The following RNGTT variants were observed in gnomAD, a reference collection of about 807,000 sequenced individuals.
The protein encoded by RNGTT is RNA guanylyltransferase and 5'-phosphatase, also known as mRNA-capping enzyme.
RNGTT carries 33 observed loss-of-function variants against 79.3 expected under a neutral mutation model. That is an observed-to-expected ratio of 0.42 (90% CI 0.32 to 0.56). The LOEUF (loss-of-function observed/expected upper bound fraction) is 0.56, where lower values mean the gene tolerates loss of function less well. RNGTT is among the 20% of genes least tolerant of loss of function. The pLI, the probability that RNGTT is intolerant of heterozygous loss-of-function variation, is 0.17. For synonymous variants in RNGTT, 222 were observed against 235.9 expected (o/e 0.94, Z 0.54); for missense variants, 497 against 739.1 (o/e 0.67, Z 3.80).
chr6:88,719,663 AAATTTT>A (rs1776638783), intron 13 of RNGTT, among the ~76,000 whole-genome samples: 2 of 152,198 alleles, frequency 1.3e-5, no homozygotes, highest in Admixed American at 6.5e-5. Flanking sequence ...AACTCAATTT[AAATTTT>A]ATCTATATTA....
intron 14 of RNGTT, among the ~76,000 whole-genome samples, chr6:88,656,055 T>C (rs372509081): frequency 2.0e-5 from 3 of 151,952 alleles, no homozygotes; most frequent in South Asian, 4.2e-4. Flanking sequence ...ATGTGAAAAA[T>C]AGAATATATA....
intron 13 of RNGTT, among the ~76,000 whole-genome samples, chr6:88,719,245 T>C (rs1776625150): frequency 6.6e-6 from 1 of 152,210 alleles, no homozygotes; most frequent in South Asian, 2.1e-4. Context: ...ATTTGACATT[T>C]GGCTTTCCCT....
intron 12 of RNGTT, among the ~76,000 whole-genome samples, chr6:88,788,396 C>T (rs2127853681): frequency 6.6e-6 from 1 of 151,942 alleles, no homozygotes; most frequent in East Asian, 1.9e-4. Flanking sequence ...TCACAGATGC[C>T]ATAAAAGAAA....
chr6:88,859,385 A>G (rs1781937991), intron 8 of RNGTT, among the ~76,000 whole-genome samples: 1 of 152,198 alleles, frequency 6.6e-6, no homozygotes, highest in Non-Finnish European at 1.5e-5. Flanking sequence ...AGTTGCAGGA[A>G]GCACTATGAC....
At chr6:88,686,841 C>A (rs1775296950) in intron 13 of RNGTT, among the ~76,000 whole-genome samples, 1 of 151,892 alleles carries the variant, frequency 6.6e-6, no homozygotes, top group Admixed American at 6.6e-5. Context: ...GAATAAACTC[C>A]AAATGGATTG....
chr6:88,731,451 T>C (rs1423338561), intron 13 of RNGTT, among the ~76,000 whole-genome samples: 1 of 152,118 alleles, frequency 6.6e-6, no homozygotes, highest in Non-Finnish European at 1.5e-5. Flanking sequence ...ACATAAATTA[T>C]GGAATGAGAT....
At chr6:88,850,010 G>C (rs1781619396) in intron 9 of RNGTT, among the ~76,000 whole-genome samples, 184 bp from the exon 10 acceptor site, 1 of 151,638 alleles carries the variant, frequency 6.6e-6, no homozygotes, top group African/African-American at 2.4e-5. Context: ...TCCCCATCAT[G>C]CATTTATTCT....
At chr6:88,632,720 G>A (rs2756376) in intron 14 of RNGTT, among the ~76,000 whole-genome samples, 38,576 of 151,846 alleles carry the variant, frequency 0.25, 8,334 homozygotes, top group African/African-American at 0.59. Context: ...AGTCAGGGGG[G>A]AAAAAAATCT....
At position 88,763,087 on chromosome 6, in the gene RNGTT, CTTTTTTTTTT is replaced by C. The variant is rs59200191; in HGVS notation, c.1439+6677_1439+6686del. 5.0e-4 allele frequency among the ~76,000 whole-genome samples: 48 copies of C among 95,508 alleles called. No individual in the cohort carries two copies. The Middle Eastern group carries it at 0.018, about 36-fold the overall frequency. The allele number at this position is 95,508 out of a possible 152,430, so 62.7% of individuals were successfully genotyped here. A position where few individuals can be genotyped will look rare whatever the true frequency, so the allele number is the denominator to read the frequency against. On this transcript the variant is annotated intron_variant, in intron 13 of 15. Coordinates refer to ENST00000369485, the MANE Select transcript of RNGTT (RefSeq NM_003800.5). ...TACAGGCATGTGCCATCATGGCCAG[CTTTTTTTTTT>C]TTTTTTTTTTTTTTTTGTATTTCTT...
chr6:88,898,710 T>C (rs1297208951), intron 6 of RNGTT, among the ~76,000 whole-genome samples: 2 of 150,924 alleles, frequency 1.3e-5, no homozygotes, highest in Admixed American at 6.6e-5. Context: ...CTCCCCAGTA[T>C]ATATTCTTCT....
At chr6:88,619,537 C>A (rs1772364856) in intron 14 of RNGTT, among the ~76,000 whole-genome samples, 2 of 152,140 alleles carry the variant, frequency 1.3e-5, no homozygotes, top group South Asian at 4.2e-4. Flanking sequence ...AGTACTGCCA[C>A]AACTTATTTT....
At chr6:88,877,276 G>A (rs1782547430) in intron 8 of RNGTT, among the ~76,000 whole-genome samples, 1 of 152,156 alleles carries the variant, frequency 6.6e-6, no homozygotes, top group Non-Finnish European at 1.5e-5. Context: ...AGCATTTTAT[G>A]TGGGTCTCCA....
intron 13 of RNGTT, among the ~76,000 whole-genome samples, chr6:88,728,387 T>C (rs1277171546): frequency 1.3e-5 from 2 of 152,214 alleles, no homozygotes; most frequent in African/African-American, 2.4e-5. Context: ...GAGATTTTGA[T>C]AAAGACCCCA....
At chr6:88,762,588 T>A (rs1778305793) in intron 13 of RNGTT, among the ~76,000 whole-genome samples, 1 of 152,216 alleles carries the variant, frequency 6.6e-6, no homozygotes, top group Non-Finnish European at 1.5e-5. Flanking sequence ...TTGCCTAGAA[T>A]GACCAATAGT....
chr6:88,798,557 A>G (rs1489814531), intron 12 of RNGTT, among the ~76,000 whole-genome samples: 4 of 152,202 alleles, frequency 2.6e-5, no homozygotes, highest in Non-Finnish European at 5.9e-5. Flanking sequence ...AGTATGCTTA[A>G]AAAATTATAT....
Position 88,610,514 on chromosome 6 carries a change from G to C in RNGTT, c.*2205C>G, listed in dbSNP as rs1205719150. 1.3e-5 allele frequency: 2 copies of C among 152,168 alleles called. No homozygotes were observed. The highest frequency in any genetic ancestry group is 2.9e-5 in the Non-Finnish European group (2 of 68,026). The allele number at this position is 152,168 out of a possible 1,614,324, so 9.4% of individuals were successfully genotyped here. A position where few individuals can be genotyped will look rare whatever the true frequency, so the allele number is the denominator to read the frequency against. On this transcript the variant is annotated 3_prime_UTR_variant, in exon 16 of 16. Transcript: ENST00000369485. ...ATAGTTATTGAAGTGAGCTGAGAAG[G>C]AGCACATTTCCTTCACAATGTCCAA...
At chr6:88,895,982 G>C (rs1488708475) in intron 6 of RNGTT, among the ~76,000 whole-genome samples, 1 of 151,826 alleles carries the variant, frequency 6.6e-6, no homozygotes, top group Non-Finnish European at 1.5e-5. Flanking sequence ...CCATTTTCTT[G>C]AACACCCCGT....
chr6:88,859,850 C>T (rs1188676351), intron 8 of RNGTT, among the ~76,000 whole-genome samples: 1 of 152,180 alleles, frequency 6.6e-6, no homozygotes, highest in African/African-American at 2.4e-5. Context: ...AGTGGTAAAA[C>T]TTAACACGAA....
chr6:88,743,430 AGTTTT>A (rs71021390), intron 13 of RNGTT, among the ~76,000 whole-genome samples: 1 of 151,808 alleles, frequency 6.6e-6, no homozygotes, highest in Non-Finnish European at 1.5e-5. Context: ...CATCTCCATA[AGTTTT>A]GTTTTGTTTT....
Sources: allele counts gnomAD v4.1 joint callset (sites outside exome capture counted in the v4.1 genomes callset), GRCh38; gene constraint gnomAD v4.1.1; transcripts MANE v1.5; gene names NCBI Gene and HGNC (gene_info 2026-07-23, HGNC 2026-07-21).